ZNF214: variants seen among roughly 807,000 people sequenced by gnomAD.
ZNF214 encodes the protein zinc finger protein 214, also known as BWSCR2-associated zinc finger protein 1.
In ZNF214, 43 loss-of-function variants were observed where a neutral mutation model predicts 53.9. The observed-to-expected ratio is 0.80, with a 90% confidence interval of 0.63 to 1.03. The LOEUF is 1.03. Ranked by LOEUF, ZNF214 falls within the 50% of genes least tolerant of loss-of-function variation. ZNF214 has a pLI of 0.00. For missense variants in ZNF214, 724 were observed against 719.1 expected (o/e 1.01, Z -0.08); for synonymous variants, 217 against 229.5 (o/e 0.95, Z 0.49).
chr11:7,005,122 GA>G (rs1278005696), intron 1 of ZNF214, among the ~76,000 whole-genome samples: 1 of 151,504 alleles, frequency 6.6e-6, no homozygotes, highest in Non-Finnish European at 1.5e-5. Flanking sequence ...ATTTATATAT[GA>G]TAATGTCTAT....
In ZNF214 at chr11:7,001,174, C is replaced by T; in HGVS notation, c.509G>A (p.Gly170Asp). Residue 170 changes from glycine (G) to aspartate (D), a missense_variant, in exon 3 of 3, where the codon GGC becomes GAC. By Grantham distance (94) the Gly-to-Asp change is moderately conservative (BLOSUM62 -1). Coordinates refer to ENST00000278314, the MANE Select transcript of ZNF214 (RefSeq NM_013249.4). ...HGFQGGRYRL[G>D]ISRKNLSMEK... Reference sequence around the variant, plus strand: ...CATGGAGAGGTTTTTCCTGGATATGCCAAGACGGTATCTGCCCCCTTGAAA... The same window carrying T: ...CATGGAGAGGTTTTTCCTGGATATGTCAAGACGGTATCTGCCCCCTTGAAA... 6.2e-7 allele frequency: 1 copy of T among 1,613,226 alleles called. No homozygotes were observed.
In ZNF214 at chr11:7,000,526, T is replaced by C. The variant is rs145446492; in HGVS notation, c.1157A>G (p.Tyr386Cys). 2.0e-5 allele frequency: 33 copies of C among 1,612,378 alleles called. No homozygotes were observed. Among genetic ancestry groups the C allele is most frequent in the Admixed American group, 1.3e-4 (8 of 59,832 alleles). Residue 386 changes from tyrosine (Y) to cysteine (C), a missense_variant, in exon 3 of 3, where the codon TAT becomes TGT. By Grantham distance (194) the Tyr-to-Cys change is radical (BLOSUM62 -2). Transcript: ENST00000278314. ...ACCCTTACCACACTCATCACACTTA[T>C]ATGGTTTTTCTCCTGTGTGGACTCT... is the stretch of plus-strand genomic sequence containing the variant. ...HQRVHTGEKP[Y>C]KCDECGKGFS...
At chr11:7,006,974 T>C (rs73405289) in intron 1 of ZNF214, among the ~76,000 whole-genome samples, 1,680 of 151,962 alleles carry the variant, frequency 0.011, 24 homozygotes, top group African/African-American at 0.038. Flanking sequence ...TTTATTGTTA[T>C]CATAAAACAA....
chr11:7,000,034 C>T lies in ZNF214; in HGVS notation c.1649G>A (p.Gly550Glu), dbSNP rs1851284208. 2 of 1,613,224 alleles carry T rather than the reference C, an allele frequency of 1.2e-6. No homozygotes were observed. Among genetic ancestry groups the T allele is most frequent in the African/African-American group, 1.3e-5 (1 of 74,846 alleles). Residue 550 changes from glycine (G) to glutamate (E), a missense_variant, in exon 3 of 3, where the codon GGA becomes GAA. Physicochemically the swap from Gly to Glu is moderately conservative, Grantham distance 98. Transcript: ENST00000278314. ...NLHIHQRVHT[G>E]EKPYQCAKCG... ...CTTAGCACATTGATAAGGCTTCTCTCCTGTATGGACCCTCTGATGAATGTG... is the reference window on the plus strand; with the variant it reads ...CTTAGCACATTGATAAGGCTTCTCTTCTGTATGGACCCTCTGATGAATGTG...
chr11:7,005,478 C>T (rs1166239601), intron 1 of ZNF214, among the ~76,000 whole-genome samples: 1 of 152,010 alleles, frequency 6.6e-6, no homozygotes, highest in South Asian at 2.1e-4. Flanking sequence ...ATACTCCAAA[C>T]TAATGAATTC....
At chr11:7,001,744 A>G (rs918939307) in intron 2 of ZNF214, among the ~76,000 whole-genome samples, 189 bp from the exon 3 acceptor site, 3 of 152,076 alleles carry the variant, frequency 2.0e-5, no homozygotes, top group Admixed American at 1.3e-4. Context: ...GTATGTATTC[A>G]TTCATTCACT....
intron 1 of ZNF214, among the ~76,000 whole-genome samples, chr11:7,003,583 T>C (rs530431000): frequency 1.3e-5 from 2 of 152,158 alleles, no homozygotes; most frequent in Admixed American, 1.3e-4. Flanking sequence ...TAAGATTATG[T>C]AGTTACATCA....
chr11:7,000,878 G>A lies in ZNF214; in HGVS notation c.805C>T (p.His269Tyr). ...RSDLYRHPRN[H>Y]IGKKLYGCDE... ...CATCCGTACAGCTTCTTACCTATGT[G>A]GTTTCTTGGATGTCTATACAAGTCT... Residue 269 changes from histidine to tyrosine, a missense_variant, in exon 3 of 3, where the codon CAC becomes TAC. Transcript: ENST00000278314. 1.2e-6 allele frequency: 2 copies of A among 1,613,072 alleles called. No homozygotes were observed. The highest frequency in any genetic ancestry group is 1.7e-6 in the Non-Finnish European group (2 of 1,179,534).
intron 1 of ZNF214, among the ~76,000 whole-genome samples, chr11:7,017,354 C>A (rs1851793378): frequency 6.6e-6 from 1 of 152,086 alleles, no homozygotes; most frequent in South Asian, 2.1e-4. Flanking sequence ...ATTCTGTTTT[C>A]CTATTTCTCA....
At chr11:7,011,994 A>G (rs1851616519) in intron 1 of ZNF214, among the ~76,000 whole-genome samples, 1 of 152,212 alleles carries the variant, frequency 6.6e-6, no homozygotes, top group Non-Finnish European at 1.5e-5. Flanking sequence ...TGGATGCAGT[A>G]ACTTAAATTC....
chr11:7,006,654 GTTATT>G (rs908514163), intron 1 of ZNF214, among the ~76,000 whole-genome samples: 13 of 152,064 alleles, frequency 8.5e-5, no homozygotes, highest in African/African-American at 2.4e-4. Flanking sequence ...GTATGACTCA[GTTATT>G]TTATTATCCA....
In ZNF214 at chr11:6,999,143, T is replaced by G. The variant is rs1851254724; in HGVS notation, c.*719A>C. 6.6e-6 allele frequency among the ~76,000 whole-genome samples: 1 copy of G among 151,864 alleles called. No individual in the cohort carries two copies. The highest frequency in any genetic ancestry group is 1.5e-5 in the Non-Finnish European group (1 of 67,892). ...CACACCTTAGAGAAAATTCTGTACT[T>G]CTTGTTGTTTGGTATCTGAACCTAT... On this transcript the variant is annotated 3_prime_UTR_variant, in exon 3 of 3. Coordinates refer to ENST00000278314, the MANE Select transcript of ZNF214 (RefSeq NM_013249.4).
In ZNF214 at chr11:6,997,699, G is replaced by A. The variant is rs1419275215; in HGVS notation, c.*2163C>T. The stretch of plus-strand genomic sequence containing the variant: ...CACTTATGGTCTCTCTCCAGTTGCC[G>A]GATGTAGCAACTAAAAACAGAAATG... On this transcript the variant is annotated 3_prime_UTR_variant, in exon 3 of 3. Transcript: ENST00000278314. 5.3e-5 allele frequency among the ~76,000 whole-genome samples: 8 copies of A among 151,636 alleles called. No individual in the cohort carries two copies. Among genetic ancestry groups the A allele is most frequent in the African/African-American group, 1.9e-4 (8 of 41,306 alleles).
At chr11:7,003,246 A>G (rs375222809) in intron 1 of ZNF214, among the ~76,000 whole-genome samples, 58 of 152,146 alleles carry the variant, frequency 3.8e-4, no homozygotes, top group African/African-American at 1.4e-3. Flanking sequence ...TATGTGACAA[A>G]GCCATTTTAT....
intron 1 of ZNF214, among the ~76,000 whole-genome samples, chr11:7,008,278 C>T (rs1214200635): frequency 6.6e-6 from 1 of 151,862 alleles, no homozygotes; most frequent in Non-Finnish European, 1.5e-5. Context: ...ACAGAAAATA[C>T]AAAAATTAGC....
chr11:7,018,580 C>A (rs1851833793), intron 1 of ZNF214, among the ~76,000 whole-genome samples: 1 of 136,706 alleles, frequency 7.3e-6, no homozygotes, highest in Non-Finnish European at 1.5e-5. Flanking sequence ...TGGCTCACTG[C>A]AACTTCAGCC....
Position 6,999,881 on chromosome 11 carries a change from T to A in ZNF214, c.1802A>T (p.His601Leu). 3.7e-6 allele frequency: 6 copies of A among 1,608,350 alleles called. No homozygotes were observed. The highest frequency in any genetic ancestry group is 4.2e-6 in the Non-Finnish European group (5 of 1,177,030). Residue 601 changes from histidine (H) to leucine (L), a missense_variant, in exon 3 of 3, where the codon CAT becomes CTT. His to Leu is a moderately conservative substitution (Grantham distance 99). Coordinates refer to ENST00000278314, the MANE Select transcript of ZNF214 (RefSeq NM_013249.4). ...FDHNSHLHNN[H>L]RRGNL ...CAATATTTATAAGTTTCCTCTTCTA[T>A]GATTATTGTGAAGATGTGAATTATG...
At chr11:7,004,451 C>T (rs1479768965) in intron 1 of ZNF214, among the ~76,000 whole-genome samples, 1 of 151,938 alleles carries the variant, frequency 6.6e-6, no homozygotes, top group African/African-American at 2.4e-5. Flanking sequence ...TTTAAACATG[C>T]CCACAAATTA....
intron 1 of ZNF214, among the ~76,000 whole-genome samples, chr11:7,017,787 G>T (rs1272344633): frequency 6.7e-6 from 1 of 150,056 alleles, no homozygotes; most frequent in Non-Finnish European, 1.5e-5. Context: ...TACCTAGAAT[G>T]GAACACTATA....
Sources: gnomAD v4.1 joint callset for allele counts (sites outside exome capture counted in the v4.1 genomes callset) on GRCh38, gnomAD v4.1.1 for gene constraint, MANE v1.5 for transcripts, NCBI Gene and HGNC (gene_info 2026-07-23, HGNC 2026-07-21) for gene names.